DYNC2LI1: variants seen among roughly 807,000 people sequenced by gnomAD.
The protein encoded by DYNC2LI1 is dynein cytoplasmic 2 light intermediate chain 1.
In DYNC2LI1, 45 loss-of-function variants were observed where a neutral mutation model predicts 51.9. The ratio of observed to expected loss-of-function variants is 0.87; its 90% CI spans 0.68 to 1.11. The LOEUF (loss-of-function observed/expected upper bound fraction) is 1.11, where lower values mean the gene tolerates loss of function less well. Ranked by LOEUF, DYNC2LI1 falls within the 50% of genes most tolerant of loss-of-function variation. DYNC2LI1 has a pLI of 0.00. For synonymous variants in DYNC2LI1, 130 were observed against 137.8 expected, an observed-to-expected ratio of 0.94 and a Z score of 0.40; for missense variants, 490 against 417.4, an observed-to-expected ratio of 1.17 and a Z score of -1.51.
chr2:43,811,221 G>A (rs1666469217), downstream of DYNC2LI1, among the ~76,000 whole-genome samples: 1 of 152,110 alleles, frequency 6.6e-6, no homozygotes, highest in Non-Finnish European at 1.5e-5. Flanking sequence ...TATAACTGAT[G>A]TGACATATAT....
At chr2:43,787,852 G>A (rs1454650629) in intron 4 of DYNC2LI1, among the ~76,000 whole-genome samples, 2 of 152,108 alleles carry the variant, frequency 1.3e-5, no homozygotes, top group Non-Finnish European at 2.9e-5. Context: ...GTGTGTAGAA[G>A]GACAATCTAG....
intron 2 of DYNC2LI1, among the ~76,000 whole-genome samples, chr2:43,778,391 C>A (rs1277306039): frequency 6.6e-6 from 1 of 152,114 alleles, no homozygotes; most frequent in Non-Finnish European, 1.5e-5. Context: ...TGGACTCAAG[C>A]AATCCACCCA....
downstream of DYNC2LI1, chr2:43,812,428 G>A (rs768593763): frequency 3.3e-5 from 5 of 150,098 alleles, no homozygotes; most frequent in Non-Finnish European, 7.4e-5. Flanking sequence ...AATAGCAAAC[G>A]AATCTTTAAA....
chr2:43,822,431 G>T, the DYNC2LI1 span: 1 of 787,258 alleles, frequency 1.3e-6, no homozygotes, highest in Non-Finnish European at 1.5e-6. Flanking sequence ...CTCTGAATGT[G>T]TCTGTTTTAA....
intron 5 of DYNC2LI1, among the ~76,000 whole-genome samples, chr2:43,790,163 A>G (rs950670514): frequency 3.3e-5 from 5 of 152,190 alleles, no homozygotes; most frequent in African/African-American, 1.2e-4. Flanking sequence ...ATTTAAAGGA[A>G]GACTATATGT....
At chr2:43,811,607 T>C (rs992024482), downstream of DYNC2LI1, among the ~76,000 whole-genome samples, 23 of 152,136 alleles carry the variant, frequency 1.5e-4, no homozygotes, top group Admixed American at 3.9e-4. Flanking sequence ...AACCTTTTTT[T>C]TTTTTTGAGA....
At chr2:43,794,774 G>A (rs1225539328) in intron 6 of DYNC2LI1, 131 bp downstream of exon 6, 7 of 1,525,936 alleles carry the variant, frequency 4.6e-6, no homozygotes, top group Non-Finnish European at 6.2e-6. Context: ...CCTGTTCACT[G>A]GAAAATTACA....
chr2:43,804,741 T>C lies in DYNC2LI1; in HGVS notation c.900+2T>C. 6.3e-7 allele frequency: 1 copy of C among 1,583,514 alleles called. No individual in the cohort carries two copies. The highest frequency in any genetic ancestry group is 8.6e-7 in the Non-Finnish European group (1 of 1,165,078). On this transcript the variant is annotated splice_donor_variant, in intron 11 of 12. Coordinates refer to ENST00000260605, the MANE Select transcript of DYNC2LI1 (RefSeq NM_016008.4). LOFTEE classifies it high-confidence loss of function. ...TATGAAAAGCTCTTTCCACCAAAGG[T>C]ACATATTTCTAATTTTTTTAAAAGC...
At chr2:43,814,414 C>T, downstream of DYNC2LI1, 1 of 1,043,470 alleles carries the variant, frequency 9.6e-7, no homozygotes, top group Non-Finnish European at 1.5e-6. Context: ...AAATACATTT[C>T]CTCCAAGAAA....
At chr2:43,800,541 A>G (rs745562082) in intron 8 of DYNC2LI1, among the ~76,000 whole-genome samples, 13 of 152,172 alleles carry the variant, frequency 8.5e-5, no homozygotes, top group African/African-American at 1.7e-4. Flanking sequence ...ATTCATATAT[A>G]TATATTTTAA....
chr2:43,803,215 C>G (rs918082951), intron 10 of DYNC2LI1, among the ~76,000 whole-genome samples: 1 of 152,124 alleles, frequency 6.6e-6, no homozygotes, highest in African/African-American at 2.4e-5. Flanking sequence ...CAAAAAATCT[C>G]TAGGCATATG....
At chr2:43,815,255 C>A in the DYNC2LI1 span, among the ~76,000 whole-genome samples, 3 of 152,208 alleles carry the variant, frequency 2.0e-5, no homozygotes, top group Non-Finnish European at 2.9e-5. Flanking sequence ...ACACTGTGGT[C>A]TTCTTAGTCC....
chr2:43,784,725 C>G lies in DYNC2LI1; in HGVS notation c.161+1171C>G, dbSNP rs114997317. 6.7e-3 allele frequency among the ~76,000 whole-genome samples: 1,012 copies of G among 152,176 alleles called. 12 individuals carry two copies. Among genetic ancestry groups the G allele is most frequent in the African/African-American group, 0.023 (957 of 41,514 alleles). On this transcript the variant is annotated intron_variant, in intron 3 of 12. Transcript: ENST00000260605. ...CTGGGAATCCAGGTGTGAGCCACCA[C>G]GCCTGGCCCTGAAAAGTATTAATTT...
intron 10 of DYNC2LI1, 85 bp from the exon 11 acceptor site, chr2:43,804,557 C>T (rs1666178116): frequency 1.1e-6 from 1 of 871,740 alleles, no homozygotes; most frequent in Non-Finnish European, 1.8e-6. Context: ...GAGATGTATA[C>T]CTTTGTTAGT....
intron 8 of DYNC2LI1, among the ~76,000 whole-genome samples, chr2:43,798,044 A>G (rs10177797): frequency 0.17 from 25,477 of 151,722 alleles, 3,252 homozygotes; most frequent in African/African-American, 0.35. Context: ...GGAGGATCAC[A>G]TGAGCTCAGG....
At chr2:43,808,964 T>TACACACACACACAC (rs56090427) in intron 12 of DYNC2LI1, among the ~76,000 whole-genome samples, 27 of 145,570 alleles carry the variant, frequency 1.9e-4, no homozygotes, top group African/African-American at 6.3e-4. Context: ...GGACAAAGGA[T>TACACACACACACAC]ACACACACAC....
downstream of DYNC2LI1, chr2:43,810,136 A>C: frequency 5.6e-6 from 2 of 358,026 alleles, no homozygotes; most frequent in Non-Finnish European, 7.8e-6. Flanking sequence ...CGTTAGACAC[A>C]TTCTTTCTAA....
Position 43,796,535 on chromosome 2 carries a change from A to G in DYNC2LI1, c.577-183A>G, listed in dbSNP as rs149153502. 2.1e-3 allele frequency among the ~76,000 whole-genome samples: 315 copies of G among 152,336 alleles called. 1 individual carries two copies. Among genetic ancestry groups the G allele is most frequent in the African/African-American group, 7.2e-3 (298 of 41,574 alleles). ...AAACAAAGAAAGATCTGTTAGCTGTAGTTCTAAGAAGGCTGCAGCTATTGT... is the reference window on the plus strand; with the variant it reads ...AAACAAAGAAAGATCTGTTAGCTGTGGTTCTAAGAAGGCTGCAGCTATTGT... On this transcript the variant is annotated intron_variant, in intron 7 of 12. Transcript: ENST00000260605.
chr2:43,809,719 C>A lies in DYNC2LI1; in HGVS notation c.1008C>A (p.Tyr336Ter). ...TTTTGTTTTAGGAACTGGAACAGTA[C>A]AAAAGAAGTTCTTCCAAGTCTTGGA... ...RIQKDLELEQYKRSSSKSWKQ... is the reference protein window; with the variant it reads ...RIQKDLELEQ Residue 336 changes from tyrosine to a stop codon, truncating the protein, a stop_gained, in exon 13 of 13, where the codon TAC (tyrosine) becomes TAA (stop). Coordinates refer to ENST00000260605, the MANE Select transcript of DYNC2LI1 (RefSeq NM_016008.4). LOFTEE classifies it high-confidence loss of function. The A allele has an allele frequency of 1.2e-6, 2 of 1,611,780 alleles. No homozygotes were observed. The highest frequency in any genetic ancestry group is 2.2e-5 in the South Asian group (2 of 90,698).
Sources: gnomAD v4.1 joint callset for allele counts (sites outside exome capture counted in the v4.1 genomes callset) on GRCh38, gnomAD v4.1.1 for gene constraint, MANE v1.5 for transcripts, NCBI Gene and HGNC (gene_info 2026-07-23, HGNC 2026-07-21) for gene names.